Variants in SYT7 observed in about 807,000 individuals in gnomAD.
SYT7 encodes synaptotagmin 7.
A neutral mutation model predicts 75.1 loss-of-function variants in SYT7; 29 were observed. The observed-to-expected ratio is 0.39, with a 90% CI of 0.29 to 0.53. SYT7 has a LOEUF of 0.53. SYT7 is among the 20% of genes least tolerant of loss of function. The pLI is 0.77. For missense variants in SYT7, 693 were observed against 953.2 expected, an observed-to-expected ratio of 0.73 and a Z score of 3.59; for synonymous variants, 376 against 401.7, an observed-to-expected ratio of 0.94 and a Z score of 0.76.
chr11:61,517,030 T>G lies in SYT7; in HGVS notation c.*1597A>C. The G allele has an allele frequency of 8.0e-6, 3 of 376,046 alleles. No individual in the cohort carries two copies. The highest frequency in any genetic ancestry group is 2.1e-5 in the African/African-American group (1 of 48,218). The allele number at this position is 376,046 out of a possible 1,614,324, so 23.3% of individuals were successfully genotyped here. On this transcript the variant is annotated 3_prime_UTR_variant, in exon 13 of 13. Coordinates refer to ENST00000539008, the MANE Select transcript of SYT7 (RefSeq NM_001365809.2). ...CCTATCCAGAGTCCCCTTCTTCTCT[T>G]TGGGGTGTCACAGGCCCATCCAGAG...
rs760069956 is a variant in SYT7 at position 61,514,510 on chromosome 11, G to A, written c.*4117C>T. 6.6e-6 allele frequency among the ~76,000 whole-genome samples: 1 copy of A among 152,210 alleles called. No homozygotes were observed. The highest frequency in any genetic ancestry group is 1.5e-5 in the Non-Finnish European group (1 of 68,042). ...GACACATGACAATGGGGATGTGCTC[G>A]TTCCTTTTGTGCCTGTGTCTGAACC... On this transcript the variant is annotated 3_prime_UTR_variant, in exon 13 of 13. Transcript: ENST00000539008.
rs139043997 is a variant in SYT7 at position 61,551,837 on chromosome 11, G to A, written c.136-374C>T. The stretch of plus-strand genomic sequence containing the variant: ...CGCCTGGCCACGTCACACTGTCCAC[G>A]TCACCGCCCCCAGATGGTGGGGGTG... On this transcript the variant is annotated intron_variant, in intron 2 of 12. Transcript: ENST00000539008. The surrounding 1 kb of genome is among the most constrained non-coding windows in gnomAD (Gnocchi z 5.3). Among the ~76,000 whole-genome samples, 347 of 152,260 alleles carry A rather than the reference G, an allele frequency of 2.3e-3. No homozygotes were observed. Among genetic ancestry groups the A allele is most frequent in the Non-Finnish European group, 3.8e-3 (258 of 68,006 alleles).
chr11:61,518,703 C>T lies in SYT7; in HGVS notation c.1985G>A (p.Gly662Glu). Residue 662 changes from glycine (G) to glutamate (E), a missense_variant, in exon 13 of 13, where the codon GGG becomes GAG. Coordinates refer to ENST00000539008, the MANE Select transcript of SYT7 (RefSeq NM_001365809.2). ...CATGTCCTTCCAGTGCTTCACCTCCCCTGGCCCGCTCTTCCAGGACAGGTA... is the reference window on the plus strand; with the variant it reads ...CATGTCCTTCCAGTGCTTCACCTCCTCTGGCCCGCTCTTCCAGGACAGGTA... ...KIYLSWKSGP[G>E]EVKHWKDMIA... 1 of 1,549,426 alleles carries T rather than the reference C, an allele frequency of 6.5e-7. No homozygotes were observed. The highest frequency in any genetic ancestry group is 8.7e-7 in the Non-Finnish European group (1 of 1,145,614).
rs139499352 is a variant in SYT7, at chr11:61,546,433, CAG to C, written c.348-180_348-179del. ...GAGAGACAGACGGACATGAGACAGA[CAG>C]AGAGAGAGAGAGAGACATCAGCACT... is the stretch of plus-strand genomic sequence containing the variant. On this transcript the variant is annotated intron_variant, in intron 4 of 12. Coordinates refer to ENST00000539008, the MANE Select transcript of SYT7 (RefSeq NM_001365809.2). The surrounding 1 kb of genome is among the most constrained non-coding windows in gnomAD (Gnocchi z 7.6). The C allele has an allele frequency of 0.069, 31,272 of 450,176 alleles. No individual in the cohort carries two copies. The highest frequency in any genetic ancestry group is 0.12 in the South Asian group (3,602 of 31,162). The allele number at this position is 450,176 out of a possible 1,614,324, so 27.9% of individuals were successfully genotyped here. A position where few individuals can be genotyped will look rare whatever the true frequency, so the allele number is the denominator to read the frequency against.
At chr11:61,558,535 CATAT>C (rs58385586) in intron 1 of SYT7, among the ~76,000 whole-genome samples, 5 of 137,656 alleles carry the variant, frequency 3.6e-5, no homozygotes, top group South Asian at 2.2e-4. Flanking sequence ...CACACACACA[CATAT>C]ATATATAAAT....
intron 1 of SYT7, among the ~76,000 whole-genome samples, chr11:61,561,638 C>A (rs2063638079): frequency 6.6e-6 from 1 of 152,200 alleles, no homozygotes; most frequent in South Asian, 2.1e-4. Flanking sequence ...GTATTCCCAG[C>A]ACCAACGGTG....
chr11:61,559,974 T>A (rs2063596560), intron 1 of SYT7, among the ~76,000 whole-genome samples: 1 of 152,188 alleles, frequency 6.6e-6, no homozygotes, highest in Non-Finnish European at 1.5e-5. Context: ...GACTCTTGGA[T>A]ATCAGTGCCT....
chr11:61,552,992 C>A (rs187492861), intron 2 of SYT7, among the ~76,000 whole-genome samples: 38 of 152,314 alleles, frequency 2.5e-4, no homozygotes, highest in African/African-American at 8.9e-4. Context: ...AGTGTGGAAC[C>A]TGGTACTGGG....
At chr11:61,566,037 C>A (rs910541153) in intron 1 of SYT7, among the ~76,000 whole-genome samples, 3 of 152,190 alleles carry the variant, frequency 2.0e-5, no homozygotes, top group African/African-American at 7.2e-5. Flanking sequence ...AGGGACATGT[C>A]GGGATCCACA....
In SYT7 at chr11:61,517,600, G is replaced by T; in HGVS notation, c.*1027C>A. On this transcript the variant is annotated 3_prime_UTR_variant, in exon 13 of 13. Transcript: ENST00000539008. ...GAAGGGCAGGCAAGCTGGAAAGCAT[G>T]GAGAATAGGGCAGATGTGGCTGCGT... The T allele has an allele frequency of 2.5e-6, 1 of 399,616 alleles. No individual in the cohort carries two copies. The highest frequency in any genetic ancestry group is 4.4e-5 in the Admixed American group (1 of 22,734). The allele number at this position is 399,616 out of a possible 1,614,324, so 24.8% of individuals were successfully genotyped here. A position where few individuals can be genotyped will look rare whatever the true frequency, so the allele number is the denominator to read the frequency against.
chr11:61,536,703 C>A (rs2062879921), intron 7 of SYT7, among the ~76,000 whole-genome samples: 2 of 152,220 alleles, frequency 1.3e-5, no homozygotes, highest in African/African-American at 4.8e-5. Flanking sequence ...ACAGACCATG[C>A]AACTGTGGAC....
chr11:61,561,478 C>T (rs1301625398), intron 1 of SYT7, among the ~76,000 whole-genome samples: 1 of 152,148 alleles, frequency 6.6e-6, no homozygotes, highest in Non-Finnish European at 1.5e-5. Flanking sequence ...TGGGCACAGC[C>T]TATGCTCCTG....
chr11:61,517,093 G>C lies in SYT7; in HGVS notation c.*1534C>G, dbSNP rs1320074446. 5.1e-6 allele frequency: 2 copies of C among 395,672 alleles called. No homozygotes were observed. The highest frequency in any genetic ancestry group is 8.9e-6 in the Non-Finnish European group (2 of 224,696). 24.5% of individuals were successfully genotyped at this position (395,672 alleles called of 1,614,324 possible). A position where few individuals can be genotyped will look rare whatever the true frequency, so the allele number is the denominator to read the frequency against. ...CTAAGACCACGGCCACAGACTGTGG[G>C]GGCCTGGCGCCACCTGGCGGTAGTT... is the stretch of plus-strand genomic sequence containing the variant. On this transcript the variant is annotated 3_prime_UTR_variant, in exon 13 of 13. Coordinates refer to ENST00000539008, the MANE Select transcript of SYT7 (RefSeq NM_001365809.2).
intron 6 of SYT7, chr11:61,541,212 C>A: frequency 1.0e-6 from 1 of 985,706 alleles, no homozygotes; most frequent in Non-Finnish European, 1.2e-6. Flanking sequence ...CTCCCTTTCT[C>A]CTCGCCCAGG....
At chr11:61,552,543 C>T (rs1365715361) in intron 2 of SYT7, among the ~76,000 whole-genome samples, 1 of 152,198 alleles carries the variant, frequency 6.6e-6, no homozygotes, top group Admixed American at 6.5e-5. Context: ...TGCACCAGCA[C>T]CACAGCCACA....
intron 7 of SYT7, chr11:61,533,515 C>G: frequency 4.1e-6 from 4 of 985,432 alleles, no homozygotes; most frequent in Non-Finnish European, 4.8e-6. Context: ...AAGGGGGAGG[C>G]TCCACCGTGG....
chr11:61,564,635 G>A (rs1000355119), intron 1 of SYT7, among the ~76,000 whole-genome samples: 2 of 152,198 alleles, frequency 1.3e-5, no homozygotes, highest in African/African-American at 4.8e-5. Flanking sequence ...CCCTAGGGGA[G>A]CCACGCCTTG....
intron 2 of SYT7, among the ~76,000 whole-genome samples, chr11:61,554,596 A>G (rs1451901137): frequency 1.3e-5 from 2 of 152,134 alleles, no homozygotes; most frequent in African/African-American, 2.4e-5. Flanking sequence ...ATCCAGACAG[A>G]CAGCAAGACA....
At chr11:61,565,050 G>T (rs1476824442) in intron 1 of SYT7, among the ~76,000 whole-genome samples, 1 of 152,140 alleles carries the variant, frequency 6.6e-6, no homozygotes, top group East Asian at 1.9e-4. Context: ...TGCTGCTGGG[G>T]GTGGTTGGGG....
Sources: allele counts gnomAD v4.1 joint callset (sites outside exome capture counted in the v4.1 genomes callset), GRCh38; gene constraint gnomAD v4.1.1; non-coding constraint Gnocchi (gnomAD v3.1); transcripts MANE v1.5; gene names NCBI Gene and HGNC (gene_info 2026-07-23, HGNC 2026-07-21).